Variants in ROR1 observed in about 807,000 individuals in gnomAD.
ROR1 encodes inactive tyrosine-protein kinase transmembrane receptor ROR1.
In ROR1, 19 loss-of-function variants were observed where a neutral mutation model predicts 78.8. That is an observed-to-expected ratio of 0.24 (90% CI 0.17 to 0.35). ROR1 has a LOEUF of 0.35. Ranked by LOEUF, ROR1 falls within the 10% of genes least tolerant of loss-of-function variation. ROR1 has a pLI of 1.00. For synonymous variants in ROR1, 386 were observed against 433.6 expected, an observed-to-expected ratio of 0.89 and a Z score of 1.36; for missense variants, 917 against 1,177.8, an observed-to-expected ratio of 0.78 and a Z score of 3.24.
At chr1:64,098,282 T>C (rs1455703998) in intron 4 of ROR1, among the ~76,000 whole-genome samples, 1 of 152,128 alleles carries the variant, frequency 6.6e-6, no homozygotes, top group Admixed American at 6.5e-5. Context: ...GTAGGCTCCC[T>C]GCCAACTCAG....
intron 1 of ROR1, among the ~76,000 whole-genome samples, chr1:63,941,933 A>G (rs1019238818): frequency 6.6e-6 from 1 of 152,194 alleles, no homozygotes; most frequent in African/African-American, 2.4e-5. Context: ...TACATGCGTT[A>G]TCTCATTTAA....
intron 7 of ROR1, among the ~76,000 whole-genome samples, chr1:64,147,500 C>T (rs1649506816): frequency 6.6e-6 from 1 of 152,154 alleles, no homozygotes; most frequent in South Asian, 2.1e-4. Flanking sequence ...GGGCCAGTAG[C>T]TCCCAGGTGG....
At chr1:63,913,870 G>A (rs1645589654) in intron 1 of ROR1, among the ~76,000 whole-genome samples, 1 of 152,162 alleles carries the variant, frequency 6.6e-6, no homozygotes, top group Admixed American at 6.5e-5. Flanking sequence ...GCACTTTATT[G>A]TCTGCAGTTT....
chr1:64,145,697 G>C (rs922237677), intron 7 of ROR1, among the ~76,000 whole-genome samples: 2 of 152,142 alleles, frequency 1.3e-5, no homozygotes, highest in African/African-American at 4.8e-5. Context: ...ACAAAACATA[G>C]ATTTACTTAG....
intron 1 of ROR1, among the ~76,000 whole-genome samples, chr1:63,978,224 T>C (rs1190485144): frequency 2.6e-5 from 4 of 152,244 alleles, no homozygotes; most frequent in Admixed American, 6.5e-5. Flanking sequence ...GGGAAATTCA[T>C]GTTATCTATG....
rs140833381 is a variant in ROR1, at chr1:63,815,458, T to TTTTTC, written c.91+40970_91+40974dup. ...TATCCAGGACTGGATTTTTTTTTTCTTTTTCTTTTCTTTTCTTTTCTTTTT... is the reference window on the plus strand; with the variant it reads ...TATCCAGGACTGGATTTTTTTTTTCTTTTTCTTTTCTTTTCTTTTCTTTTCTTTTT... On this transcript the variant is annotated intron_variant, in intron 1 of 8. Coordinates refer to ENST00000371079, the MANE Select transcript of ROR1 (RefSeq NM_005012.4). Among the ~76,000 whole-genome samples, 421 of 146,784 alleles carry TTTTTC rather than the reference T, an allele frequency of 2.9e-3. 5 individuals are homozygous for TTTTTC. In the East Asian group the frequency reaches 0.035, roughly 12 times the overall value.
chr1:63,830,369 G>A (rs1234722735), intron 1 of ROR1, among the ~76,000 whole-genome samples: 1 of 152,198 alleles, frequency 6.6e-6, no homozygotes, highest in Admixed American at 6.5e-5. Flanking sequence ...AAACACAAAA[G>A]AGGTTTAATT....
intron 1 of ROR1, among the ~76,000 whole-genome samples, chr1:63,801,075 G>A (rs1281276872): frequency 6.6e-6 from 1 of 151,808 alleles, no homozygotes; most frequent in Non-Finnish European, 1.5e-5. Flanking sequence ...GAGCCCTGGT[G>A]TAGATGGTTT....
chr1:63,944,763 T>C (rs2100461696), intron 1 of ROR1, among the ~76,000 whole-genome samples: 1 of 152,308 alleles, frequency 6.6e-6, no homozygotes, highest in East Asian at 1.9e-4. Flanking sequence ...AGACCTGGCT[T>C]CTCACCCAGC....
intron 1 of ROR1, among the ~76,000 whole-genome samples, chr1:63,990,709 C>G (rs902276899): frequency 5.9e-5 from 9 of 152,004 alleles, no homozygotes; most frequent in African/African-American, 2.2e-4. Context: ...AAACCTAGTT[C>G]CTCATGTATT....
At chr1:64,149,916 C>T (rs1190789919) in intron 7 of ROR1, among the ~76,000 whole-genome samples, 2 of 152,156 alleles carry the variant, frequency 1.3e-5, no homozygotes, top group African/African-American at 2.4e-5. Context: ...ACTCCTTTTG[C>T]AACAATCTGT....
At chr1:63,995,905 G>T (rs1444507651) in intron 1 of ROR1, among the ~76,000 whole-genome samples, 1 of 152,074 alleles carries the variant, frequency 6.6e-6, no homozygotes, top group Non-Finnish European at 1.5e-5. Flanking sequence ...AGATTCAATG[G>T]TACAGAAATA....
chr1:64,053,284 C>G (rs1203687455), intron 4 of ROR1, among the ~76,000 whole-genome samples: 1 of 152,178 alleles, frequency 6.6e-6, no homozygotes, highest in African/African-American at 2.4e-5. Context: ...CTGAGGTCCA[C>G]TGAGGCAACA....
chr1:64,136,527 T>C (rs2100705493), intron 4 of ROR1, among the ~76,000 whole-genome samples: 1 of 152,124 alleles, frequency 6.6e-6, no homozygotes, highest in South Asian at 2.1e-4. Flanking sequence ...TGGGAGATGG[T>C]AGCCTCTGCC....
intron 1 of ROR1, among the ~76,000 whole-genome samples, chr1:63,838,951 T>A (rs572284208): frequency 6.6e-6 from 1 of 152,368 alleles, no homozygotes; most frequent in South Asian, 2.1e-4. Flanking sequence ...GGTAACATGC[T>A]GTACAAGTTT....
chr1:64,128,744 C>T (rs1648807256), intron 4 of ROR1, among the ~76,000 whole-genome samples: 1 of 152,054 alleles, frequency 6.6e-6, no homozygotes, highest in African/African-American at 2.4e-5. Context: ...TTGAATATAT[C>T]AATACAGAGT....
chr1:63,780,268 G>A (rs1016932814), intron 1 of ROR1, among the ~76,000 whole-genome samples: 8 of 151,564 alleles, frequency 5.3e-5, no homozygotes, highest in African/African-American at 1.9e-4. Context: ...GACTTCCTTT[G>A]ATAGCTGCTT....
chr1:63,810,102 A>G (rs1008046293), intron 1 of ROR1, among the ~76,000 whole-genome samples: 7 of 152,160 alleles, frequency 4.6e-5, no homozygotes, highest in African/African-American at 1.7e-4. Context: ...CCTGCTCAGG[A>G]AAAATGTATT....
chr1:64,076,597 C>T (rs887760498), intron 4 of ROR1, among the ~76,000 whole-genome samples: 1 of 152,078 alleles, frequency 6.6e-6, no homozygotes, highest in African/African-American at 2.4e-5. Flanking sequence ...TGGTACAATT[C>T]TGGAAGTGTC....
Sources: allele counts gnomAD v4.1 joint callset (sites outside exome capture counted in the v4.1 genomes callset), GRCh38; gene constraint gnomAD v4.1.1; transcripts MANE v1.5; gene names NCBI Gene and HGNC (gene_info 2026-07-23, HGNC 2026-07-21).